The following TCF4 variants were observed in gnomAD, a reference collection of about 807,000 sequenced individuals.
TCF4 encodes SL3-3 enhancer factor 2.
A neutral mutation model predicts 82.1 loss-of-function variants in TCF4; 3 were observed. The observed-to-expected ratio is 0.04, with a 90% confidence interval of 0.02 to 0.09. The LOEUF is 0.09. Among genes scored for constraint, TCF4 ranks in the 10% least tolerant of loss-of-function variants. The probability of loss-of-function intolerance (pLI) is 1.00; values close to 1 mark genes in which losing one functional copy is unlikely to be tolerated. For synonymous variants in TCF4, 276 were observed against 309.6 expected (o/e 0.89, Z 1.14); for missense variants, 518 against 852.7 (o/e 0.61, Z 4.89).
intron 5 of TCF4, among the ~76,000 whole-genome samples, chr18:55,436,983 C>A (rs1293882432): frequency 6.6e-6 from 1 of 152,202 alleles, no homozygotes; most frequent in Admixed American, 6.5e-5. Flanking sequence ...AACAAAATCA[C>A]CCAAGTCCCT....
At chr18:55,576,317 G>C (rs2097527711) in intron 3 of TCF4, among the ~76,000 whole-genome samples, 1 of 152,132 alleles carries the variant, frequency 6.6e-6, no homozygotes, top group African/African-American at 2.4e-5. Context: ...TTGGGAAGTA[G>C]GGACACAAAA....
In TCF4 at chr18:55,403,442, A is replaced by C. The variant is rs777983584; in HGVS notation, c.369+12T>G. ...TCCTCTCAACCCTTCCGCAACAGAG[A>C]TTCTCACTTACCTGGTGGCAACCCT... On this transcript the variant is annotated intron_variant, in intron 6 of 19. Transcript: ENST00000354452. 1.3e-4 allele frequency: 214 copies of C among 1,613,586 alleles called. 2 individuals carry two copies. In the South Asian group the frequency reaches 2.3e-3, roughly 17 times the overall value.
chr18:55,365,892 C>CA (rs963076479), intron 6 of TCF4, among the ~76,000 whole-genome samples: 9 of 151,496 alleles, frequency 5.9e-5, no homozygotes, highest in African/African-American at 2.2e-4. Flanking sequence ...AACTCCATCC[C>CA]AAAAAAAGCA....
chr18:55,274,335 A>G (rs1326202194), intron 10 of TCF4, among the ~76,000 whole-genome samples: 2 of 152,198 alleles, frequency 1.3e-5, no homozygotes, highest in Non-Finnish European at 1.5e-5. Flanking sequence ...TACACATTCA[A>G]TCTTGGGAGG....
chr18:55,234,408 T>A, intron 16 of TCF4, 140 bp downstream of exon 16: 4 of 1,233,428 alleles, frequency 3.2e-6, no homozygotes, highest in Non-Finnish European at 4.6e-6. Flanking sequence ...TACTTTGCCA[T>A]TTCCTTACCA....
At chr18:55,522,976 A>G (rs1294741414) in intron 3 of TCF4, among the ~76,000 whole-genome samples, 1 of 152,112 alleles carries the variant, frequency 6.6e-6, no homozygotes, top group Non-Finnish European at 1.5e-5. Flanking sequence ...CTAAGAGTAT[A>G]AGAAATTTTA....
At chr18:55,231,942 T>G (rs1054150039) in intron 17 of TCF4, 3 of 152,806 alleles carry the variant, frequency 2.0e-5, no homozygotes, top group African/African-American at 7.2e-5. Context: ...GATATAGATT[T>G]GAATTTAAAG....
At chr18:55,375,720 T>C (rs1340534885) in intron 6 of TCF4, among the ~76,000 whole-genome samples, 1 of 152,120 alleles carries the variant, frequency 6.6e-6, no homozygotes. Flanking sequence ...ACAACTTTCC[T>C]ATACCTCAGC....
rs1196914945 is a variant in TCF4, at chr18:55,244,080, T to TC, written c.1351-9398dup. ...AAAAAAGTACAATGTTAATCTCTATTCCCGACTGGATAAACAGCTGCTAAT... is the reference window on the plus strand; with the variant it reads ...AAAAAAGTACAATGTTAATCTCTATTCCCCGACTGGATAAACAGCTGCTAAT... On this transcript the variant is annotated intron_variant, in intron 15 of 19. Transcript: ENST00000354452. Among the ~76,000 whole-genome samples, 5 of 152,298 alleles carry TC rather than the reference T, an allele frequency of 3.3e-5. No homozygotes were observed. The East Asian group carries it at 7.7e-4, about 24-fold the overall frequency.
intron 5 of TCF4, among the ~76,000 whole-genome samples, chr18:55,447,579 T>C (rs752997032): frequency 3.3e-5 from 5 of 152,174 alleles, no homozygotes; most frequent in Non-Finnish European, 7.3e-5. Flanking sequence ...CATTTGAGTA[T>C]TGAAGTTTAT....
intron 4 of TCF4, among the ~76,000 whole-genome samples, chr18:55,462,913 T>C (rs577131584): frequency 2.0e-5 from 3 of 152,290 alleles, no homozygotes; most frequent in South Asian, 4.1e-4. Context: ...CCCTGAACAC[T>C]AGACTAAGGA....
At chr18:55,534,535 G>C (rs1392954143) in intron 3 of TCF4, among the ~76,000 whole-genome samples, 3 of 114,368 alleles carry the variant, frequency 2.6e-5, no homozygotes, top group Non-Finnish European at 6.5e-5. Flanking sequence ...TTAGGCTTCT[G>C]ACCACTAGAA....
At chr18:55,292,259 T>C (rs565885578) in intron 8 of TCF4, among the ~76,000 whole-genome samples, 1 of 152,262 alleles carries the variant, frequency 6.6e-6, no homozygotes, top group South Asian at 2.1e-4. Flanking sequence ...TCTTTAACAA[T>C]AAAAATTATA....
At chr18:55,390,286 TAAAA>T (rs56965997) in intron 6 of TCF4, among the ~76,000 whole-genome samples, 6 of 82,236 alleles carry the variant, frequency 7.3e-5, no homozygotes, top group East Asian at 8.2e-4. Context: ...CCCTGACTCT[TAAAA>T]AAAAAAAAAA....
At chr18:55,241,064 G>C (rs2051048710) in intron 15 of TCF4, among the ~76,000 whole-genome samples, 2 of 152,302 alleles carry the variant, frequency 1.3e-5, no homozygotes, top group Admixed American at 1.3e-4. Context: ...TGATCTAAAT[G>C]ATCCTGACCT....
Position 55,463,973 on chromosome 18 carries a change from TGTGTGA to T in TCF4, c.207+97_207+102del, listed in dbSNP as rs200413459. The T allele has an allele frequency of 0.032, 8,687 of 271,918 alleles. 56 individuals are homozygous for T. Among genetic ancestry groups the T allele is most frequent in the South Asian group, 0.081 (1,721 of 21,306 alleles). 16.8% of individuals were successfully genotyped at this position (271,918 alleles called of 1,614,324 possible). A position where few individuals can be genotyped will look rare whatever the true frequency, so the allele number is the denominator to read the frequency against. ...CTGTGTGTGTGTGTGTGTGTGTGTG[TGTGTGA>T]GAGAGAGAGAGAGAGAGAGAGAGAA... On this transcript the variant is annotated intron_variant, in intron 4 of 19. Transcript: ENST00000354452.
At chr18:55,577,989 A>G (rs1040028053) in intron 3 of TCF4, among the ~76,000 whole-genome samples, 4 of 152,150 alleles carry the variant, frequency 2.6e-5, no homozygotes, top group African/African-American at 7.2e-5. Context: ...CAGGGTCATA[A>G]TTCAATCAAG....
rs74182107 is a variant in TCF4 at position 55,617,811 on chromosome 18, CTGTG to C, written c.286+13483_286+13486del. On this transcript the variant is annotated intron_variant, in intron 2 of 20. Transcript: ENST00000398339. ...ACTTTAGTGAATTCATTAATTCTAA[CTGTG>C]TGTGTGTGTGTGTGTGTGTGTGTGT... Among the ~76,000 whole-genome samples the C allele has an allele frequency of 9.6e-3, 1,347 of 140,658 alleles. 7 individuals are homozygous for C. The highest frequency in any genetic ancestry group is 0.03 in the East Asian group (143 of 4,726). 92.3% of individuals were successfully genotyped at this position (140,658 alleles called of 152,430 possible).
chr18:55,515,225 C>T (rs2096869824), intron 3 of TCF4, among the ~76,000 whole-genome samples: 1 of 152,028 alleles, frequency 6.6e-6, no homozygotes, highest in Non-Finnish European at 1.5e-5. Flanking sequence ...GTCAGAGAAT[C>T]CAAGGTAGGA....
Sources: allele counts gnomAD v4.1 joint callset (sites outside exome capture counted in the v4.1 genomes callset), GRCh38; gene constraint gnomAD v4.1.1; transcripts MANE v1.5; gene names NCBI Gene and HGNC (gene_info 2026-07-23, HGNC 2026-07-21).